The following CCDC33 variants were observed in gnomAD, a reference collection of about 807,000 sequenced individuals.
CCDC33 encodes coiled-coil domain-containing protein 33.
A neutral mutation model predicts 91.9 loss-of-function variants in CCDC33; 94 were observed. That is an observed-to-expected ratio of 1.02 (90% CI 0.87 to 1.21). The LOEUF is 1.21. CCDC33 is among the 50% of genes most tolerant of loss of function. The probability of loss-of-function intolerance (pLI) is 0.00; values close to 1 mark genes in which losing one functional copy is unlikely to be tolerated. For synonymous variants in CCDC33, 396 were observed against 374.5 expected (o/e 1.06, Z -0.66); for missense variants, 940 against 935.5 (o/e 1.00, Z -0.06).
intron 1 of CCDC33, among the ~76,000 whole-genome samples, chr15:74,203,580 T>C (rs1401478937): frequency 7.9e-5 from 12 of 152,250 alleles, no homozygotes; most frequent in Admixed American, 7.9e-4. Context: ...GCTAAGGCAG[T>C]CATTCAACAG....
intron 11 of CCDC33, among the ~76,000 whole-genome samples, chr15:74,296,630 AAAT>A (rs1170832760): frequency 1.3e-5 from 2 of 151,994 alleles, no homozygotes; most frequent in Non-Finnish European, 2.9e-5. Flanking sequence ...CCATCTCAAA[AAAT>A]AATAATAATA....
intron 17 of CCDC33, 93 bp downstream of exon 17, chr15:74,334,060 C>A: frequency 8.9e-7 from 1 of 1,119,872 alleles, no homozygotes; most frequent in Non-Finnish European, 1.3e-6. Context: ...TAGGCTCAAT[C>A]TATGACCAGG....
At chr15:74,323,227 A>C (rs1012313382) in intron 11 of CCDC33, among the ~76,000 whole-genome samples, 3 of 152,156 alleles carry the variant, frequency 2.0e-5, no homozygotes, top group Admixed American at 6.5e-5. Flanking sequence ...GGCCACACCA[A>C]GAGGCTCCCT....
At chr15:74,214,856 C>T (rs952641271), upstream of CCDC33, among the ~76,000 whole-genome samples, 2 of 152,228 alleles carry the variant, frequency 1.3e-5, no homozygotes, top group African/African-American at 4.8e-5. Flanking sequence ...TTCCTTTCTG[C>T]ATAAGTAGAA....
At chr15:74,226,097 A>G (rs1194657675) in intron 2 of CCDC33, among the ~76,000 whole-genome samples, 2 of 152,180 alleles carry the variant, frequency 1.3e-5, no homozygotes, top group Admixed American at 1.3e-4. Flanking sequence ...CCAAGCAGTA[A>G]ACTGGGTTGC....
At chr15:74,253,019 G>A (rs1227233038) in intron 2 of CCDC33, among the ~76,000 whole-genome samples, 1 of 152,136 alleles carries the variant, frequency 6.6e-6, no homozygotes, top group African/African-American at 2.4e-5. Context: ...GCCACCTGGG[G>A]CCCCTAAGGT....
chr15:74,277,155 G>A (rs2076470652), intron 7 of CCDC33, among the ~76,000 whole-genome samples: 1 of 152,218 alleles, frequency 6.6e-6, no homozygotes, highest in Non-Finnish European at 1.5e-5. Context: ...CTTACAACAG[G>A]CTTTCAAAGT....
rs1564782 is a variant in CCDC33, at chr15:74,330,337, G to A, written c.1439G>A (p.Ser480Asn). Residue 480 changes from serine (S) to asparagine (N), a missense_variant, in exon 12 of 19, where the codon AGT becomes AAT. By Grantham distance (46) the Ser-to-Asn change is conservative. Coordinates refer to ENST00000398814, the MANE Select transcript of CCDC33 (RefSeq NM_025055.5). ...QEEEEGQGKA[S>N]EAQNTVSMKQ... ...GAGGAAGAGGGGCAGGGCAAAGCCA[G>A]TGAGGCCCAGAACACGGGTGAGGAT... is the stretch of plus-strand genomic sequence containing the variant. 0.64 allele frequency: 1,026,904 copies of A among 1,600,510 alleles called. 341,599 individuals are homozygous for A. Among genetic ancestry groups the A allele is most frequent in the Non-Finnish European group, 0.7 (818,760 of 1,174,436 alleles).
intron 10 of CCDC33, among the ~76,000 whole-genome samples, chr15:74,288,694 A>G (rs2059525710): frequency 6.6e-6 from 1 of 152,104 alleles, no homozygotes; most frequent in Admixed American, 6.6e-5. Context: ...GCTTGAGATC[A>G]TTCTGGACCC....
At chr15:74,325,005 A>C (rs1596125484) in intron 11 of CCDC33, among the ~76,000 whole-genome samples, 5 of 80,154 alleles carry the variant, frequency 6.2e-5, no homozygotes, top group Non-Finnish European at 9.8e-5. Context: ...CACCTCCTCC[A>C]CCCAAAGACC....
chr15:74,261,491 G>A (rs2076021902), intron 2 of CCDC33, among the ~76,000 whole-genome samples: 3 of 152,194 alleles, frequency 2.0e-5, no homozygotes, highest in Admixed American at 1.3e-4. Flanking sequence ...TGGGGATGAC[G>A]TCTTTGTTCC....
At chr15:74,280,861 C>T in intron 9 of CCDC33, 60 bp downstream of exon 9, 1 of 1,366,920 alleles carries the variant, frequency 7.3e-7, no homozygotes, top group East Asian at 2.8e-5. Context: ...CCCTGCCTCA[C>T]CCTGCCCCAC....
chr15:74,209,103 G>A (rs925772176), intron 1 of CCDC33: 115 of 1,297,332 alleles, frequency 8.9e-5, no homozygotes, highest in Non-Finnish European at 1.0e-4. Context: ...CAGACCTCCC[G>A]CCCTTGATTC....
At chr15:74,208,174 G>T in intron 1 of CCDC33, 1 of 529,088 alleles carries the variant, frequency 1.9e-6, no homozygotes. Flanking sequence ...GGCTAGTACT[G>T]ACCTGGAGGA....
chr15:74,334,032 C>G (rs972478174), intron 17 of CCDC33, 65 bp downstream of exon 17: 11 of 1,392,728 alleles, frequency 7.9e-6, no homozygotes, highest in Non-Finnish European at 1.1e-5. Flanking sequence ...AACCAGGGCT[C>G]AGTGTGTGAG....
chr15:74,249,013 C>T (rs112469646), intron 2 of CCDC33, among the ~76,000 whole-genome samples: 3 of 152,232 alleles, frequency 2.0e-5, no homozygotes, highest in African/African-American at 4.8e-5. Flanking sequence ...CAGAAGAAAC[C>T]GGATATATAC....
intron 12 of CCDC33, 102 bp from the exon 13 acceptor site, chr15:74,330,561 A>C: frequency 4.3e-6 from 5 of 1,154,964 alleles, no homozygotes; most frequent in Non-Finnish European, 6.5e-6. Flanking sequence ...GTCCCGTCCC[A>C]AGCCCTCGGG....
intron 1 of CCDC33, among the ~76,000 whole-genome samples, chr15:74,239,140 C>G (rs894446264): frequency 6.6e-6 from 1 of 152,170 alleles, no homozygotes; most frequent in Non-Finnish European, 1.5e-5. Flanking sequence ...CCTCCCAGCC[C>G]AGCCCCGCTC....
At chr15:74,273,085 G>T (rs2076363820) in intron 7 of CCDC33, among the ~76,000 whole-genome samples, 194 bp downstream of exon 7, 2 of 152,278 alleles carry the variant, frequency 1.3e-5, no homozygotes, top group South Asian at 4.1e-4. Context: ...TGGTGAAGAT[G>T]GGAGTCACGT....
Sources: allele counts gnomAD v4.1 joint callset (sites outside exome capture counted in the v4.1 genomes callset), GRCh38; gene constraint gnomAD v4.1.1; transcripts MANE v1.5; gene names NCBI Gene and HGNC (gene_info 2026-07-23, HGNC 2026-07-21).